Variants in MIS18BP1 observed in about 807,000 individuals in gnomAD.
MIS18BP1 encodes mis18-binding protein 1.
MIS18BP1 carries 72 observed loss-of-function variants against 116.1 expected under a neutral mutation model. That is an observed-to-expected ratio of 0.62 (90% CI 0.51 to 0.75). MIS18BP1 has a LOEUF of 0.75. Among genes scored for constraint, MIS18BP1 ranks in the 30% least tolerant of loss-of-function variants. The pLI, the probability that MIS18BP1 is intolerant of heterozygous loss-of-function variation, is 0.00. For missense variants in MIS18BP1, 1,363 were observed against 1,303.2 expected (o/e 1.05, Z -0.71); for synonymous variants, 386 against 427.0 (o/e 0.90, Z 1.18).
chr14:45,242,026 T>C lies in MIS18BP1; in HGVS notation c.1143+8A>G. ...AGAAATAAATATCTGTCTTAAAAGT[T>C]TTCCCACCTGATTTTTTTTAAGTCC... On this transcript the variant is annotated splice_region_variant and intron_variant, in intron 4 of 16. Transcript: ENST00000310806. 3 of 1,591,476 alleles carry C rather than the reference T, an allele frequency of 1.9e-6. No homozygotes were observed. The highest frequency in any genetic ancestry group is 2.6e-6 in the Non-Finnish European group (3 of 1,170,246).
chr14:45,234,285 T>C (rs889698857), intron 6 of MIS18BP1, among the ~76,000 whole-genome samples: 1 of 150,954 alleles, frequency 6.6e-6, no homozygotes, highest in Admixed American at 6.6e-5. Flanking sequence ...AAACAAACTA[T>C]ATGAATTGTT....
intron 13 of MIS18BP1, among the ~76,000 whole-genome samples, chr14:45,215,129 G>T (rs1313637257): frequency 6.6e-6 from 1 of 152,216 alleles, no homozygotes; most frequent in African/African-American, 2.4e-5. Flanking sequence ...GTGGGATAAA[G>T]GGTACAACCC....
chr14:45,208,157 T>C (rs1890570979), intron 14 of MIS18BP1, among the ~76,000 whole-genome samples: 1 of 152,154 alleles, frequency 6.6e-6, no homozygotes. Flanking sequence ...GAAGACATGA[T>C]TTGTTTCATA....
rs535279360 is a variant in MIS18BP1, at chr14:45,242,323, G to A, written c.854C>T (p.Ala285Val). 5 of 1,613,928 alleles carry A rather than the reference G, an allele frequency of 3.1e-6. No homozygotes were observed. The highest frequency in any genetic ancestry group is 4.2e-6 in the Non-Finnish European group (5 of 1,179,948). Residue 285 changes from alanine to valine, a missense_variant, in exon 4 of 17, where the codon GCT (alanine) becomes GTT (valine). Physicochemically the swap from Ala to Val is moderately conservative, Grantham distance 64. Coordinates refer to ENST00000310806, the MANE Select transcript of MIS18BP1 (RefSeq NM_018353.5). ...AATACAATTAGTACTGAGAGTCTCA[G>A]CATTAGTATTTTGAAATTGTTCATC... ...SADEQFQNTN[A>V]ETLSTNCIPI...
intron 8 of MIS18BP1, among the ~76,000 whole-genome samples, chr14:45,229,045 TAAGAA>T (rs1490773372): frequency 1.3e-5 from 2 of 148,436 alleles, no homozygotes; most frequent in African/African-American, 2.5e-5. Context: ...ACAGTTTCAT[TAAGAA>T]AAGATCTAAT....
intron 1 of MIS18BP1, among the ~76,000 whole-genome samples, chr14:45,252,213 T>C (rs911899586): frequency 2.0e-5 from 3 of 152,150 alleles, no homozygotes; most frequent in African/African-American, 7.2e-5. Context: ...GGAAGTTCAC[T>C]GCAGCATAAA....
chr14:45,246,529 C>T (rs1891725755), intron 2 of MIS18BP1, among the ~76,000 whole-genome samples: 1 of 152,150 alleles, frequency 6.6e-6, no homozygotes, highest in African/African-American at 2.4e-5. Flanking sequence ...CCTAATTCTG[C>T]TTTTTCCTCT....
chr14:45,206,801 C>T lies in MIS18BP1; in HGVS notation c.3153-631G>A, dbSNP rs75261645. ...TGCCTCTCTTGGTTTTCCAAAACTC[C>T]CACTGAGACTTCTTCTCCTTGGACT... On this transcript the variant is annotated intron_variant, in intron 14 of 16. Coordinates refer to ENST00000310806, the MANE Select transcript of MIS18BP1 (RefSeq NM_018353.5). Among the ~76,000 whole-genome samples the T allele has an allele frequency of 5.0e-3, 755 of 152,230 alleles. 5 individuals carry two copies. Among genetic ancestry groups the T allele is most frequent in the Middle Eastern group, 0.017 (5 of 294 alleles).
At chr14:45,233,935 T>C (rs1315388698) in intron 6 of MIS18BP1, among the ~76,000 whole-genome samples, 1 of 152,126 alleles carries the variant, frequency 6.6e-6, no homozygotes. Context: ...ATAAATTATA[T>C]TTAATGACTA....
chr14:45,236,059 A>T (rs1013336474), intron 5 of MIS18BP1, 115 bp from the exon 6 acceptor site: 7 of 951,822 alleles, frequency 7.4e-6, no homozygotes, highest in Non-Finnish European at 1.1e-5. Flanking sequence ...GTCTAATTAC[A>T]AAATATTTGA....
chr14:45,215,614 T>C (rs955571704), intron 13 of MIS18BP1, among the ~76,000 whole-genome samples: 1 of 151,996 alleles, frequency 6.6e-6, no homozygotes, highest in African/African-American at 2.4e-5. Flanking sequence ...GGTTTCACCA[T>C]GTTGGCCAGA....
chr14:45,250,235 T>A (rs1033877979), intron 1 of MIS18BP1: 4 of 152,206 alleles, frequency 2.6e-5, no homozygotes, highest in African/African-American at 7.2e-5. Context: ...AAAGTTGCTC[T>A]AGGAGACCTT....
chr14:45,248,221 C>T (rs1192500746), intron 1 of MIS18BP1, among the ~76,000 whole-genome samples: 1 of 151,752 alleles, frequency 6.6e-6, no homozygotes, highest in Non-Finnish European at 1.5e-5. Context: ...GTATGCACCA[C>T]CACACCCGGC....
chr14:45,221,768 G>A (rs1890983451), intron 11 of MIS18BP1, among the ~76,000 whole-genome samples: 1 of 152,198 alleles, frequency 6.6e-6, no homozygotes, highest in African/African-American at 2.4e-5. Flanking sequence ...ATGACTGATG[G>A]TGTTGTTCAG....
intron 7 of MIS18BP1, among the ~76,000 whole-genome samples, chr14:45,231,681 G>A (rs1294626874): frequency 6.6e-6 from 1 of 152,166 alleles, no homozygotes; most frequent in Non-Finnish European, 1.5e-5. Flanking sequence ...CTGCTACAAA[G>A]GCAGAGTTGA....
chr14:45,216,988 A>G lies in MIS18BP1; in HGVS notation c.3003+31T>C, dbSNP rs376227738. On this transcript the variant is annotated intron_variant, in intron 13 of 16. Coordinates refer to ENST00000310806, the MANE Select transcript of MIS18BP1 (RefSeq NM_018353.5). ...ATGAAAGATACAAAAGTCAATACAG[A>G]TAAGGAAAACAATGATTTCATGCCT... The G allele has an allele frequency of 1.0e-4, 162 of 1,604,244 alleles. 1 individual carries two copies. The highest frequency in any genetic ancestry group is 1.3e-4 in the Non-Finnish European group (147 of 1,173,688).
At chr14:45,205,058 C>T (rs1390795901) in intron 15 of MIS18BP1, among the ~76,000 whole-genome samples, 1 of 152,044 alleles carries the variant, frequency 6.6e-6, no homozygotes, top group Non-Finnish European at 1.5e-5. Context: ...AAACTATTGG[C>T]CATGGCTGGC....
chr14:45,231,773 C>T (rs1264789665), intron 7 of MIS18BP1, among the ~76,000 whole-genome samples: 2 of 152,154 alleles, frequency 1.3e-5, no homozygotes, highest in African/African-American at 4.8e-5. Flanking sequence ...TGCCAGCCCC[C>T]GTTACCAGTT....
intron 9 of MIS18BP1, among the ~76,000 whole-genome samples, chr14:45,227,247 G>A (rs1891145980): frequency 6.6e-6 from 1 of 152,130 alleles, no homozygotes; most frequent in Non-Finnish European, 1.5e-5. Context: ...AGTGGCTCAC[G>A]ACTGTAATCC....
Sources: gnomAD v4.1 joint callset for allele counts (sites outside exome capture counted in the v4.1 genomes callset) on GRCh38, gnomAD v4.1.1 for gene constraint, MANE v1.5 for transcripts, NCBI Gene and HGNC (gene_info 2026-07-23, HGNC 2026-07-21) for gene names.